Variants in XIST observed in about 807,000 individuals in gnomAD.
XIST encodes X inactive specific transcript.
At chrX:73,821,018 T>G in exon 6 of XIST, 1 of 559,354 alleles carries the variant, frequency 1.8e-6, no homozygotes, top group Non-Finnish European at 3.2e-6. Flanking sequence ...GTAGTGGTAG[T>G]GATGCCAGAA....
chrX:73,845,508 T>C lies in XIST; in HGVS notation n.7216A>G, dbSNP rs562067445. ...CTCCCTGGTGGAAGGGAAAGGAAGA[T>C]TGGAGGTGGGGTGTGGCAGGGGAGG... is the stretch of plus-strand genomic sequence containing the variant. On this transcript the variant is annotated non_coding_transcript_exon_variant, in exon 1 of 6. Transcript: ENST00000429829. The C allele has an allele frequency of 3.0e-4, 166 of 550,469 alleles. No individual in the cohort carries two copies. The South Asian group carries it at 3.5e-3, about 12-fold the overall frequency. 45.4% of individuals were successfully genotyped at this position (550,469 alleles called of 1,213,427 possible).
At chrX:73,837,758 A>G (rs957853002) in intron 1 of XIST, among the ~76,000 whole-genome samples, 8 of 111,599 alleles carry the variant, frequency 7.2e-5, no homozygotes, top group African/African-American at 9.7e-5. Flanking sequence ...CTGAAGACTT[A>G]TAAGACACAG....
chrX:73,845,546 T>C (rs372174583), exon 1 of XIST: 20 of 552,111 alleles, frequency 3.6e-5, no homozygotes, highest in Non-Finnish European at 4.9e-5. Context: ...TTCATGTCTA[T>C]TACACAGAAA....
At chrX:73,852,566 TA>T (rs1170081229) in exon 1 of XIST, 5 of 497,906 alleles carry the variant, frequency 1.0e-5, no homozygotes, top group African/African-American at 9.6e-5. Context: ...GTATAGAATT[TA>T]AAAAAATATT....
exon 6 of XIST, chrX:73,821,487 AAAT>A: frequency 1.8e-6 from 1 of 557,022 alleles, no homozygotes; most frequent in Non-Finnish European, 3.2e-6. Flanking sequence ...ACTTGGACAA[AAAT>A]AATACTTTTC....
exon 6 of XIST, chrX:73,823,858 G>C (rs1182695410): frequency 3.6e-6 from 2 of 558,053 alleles, no homozygotes; most frequent in Admixed American, 4.4e-5. Flanking sequence ...ATTTCCTTCT[G>C]TGAGCACTCT....
rs764238581 is a variant in XIST, at chrX:73,821,285, T to C, written n.18616A>G. On this transcript the variant is annotated non_coding_transcript_exon_variant, in exon 6 of 6. Transcript: ENST00000429829. The stretch of plus-strand genomic sequence containing the variant: ...ATTTATCTATTTCCTTCTCCACTTA[T>C]GGATGTAATTGGCTTGCTATAGAAA... 2.2e-5 allele frequency: 12 copies of C among 553,965 alleles called. No individual in the cohort carries two copies. In the African/African-American group the frequency reaches 2.2e-4, roughly 10 times the overall value. 45.7% of individuals were successfully genotyped at this position (553,965 alleles called of 1,213,427 possible). A position where few individuals can be genotyped will look rare whatever the true frequency, so the allele number is the denominator to read the frequency against.
At chrX:73,833,253 G>C (rs1222580191) in exon 3 of XIST, 1 of 557,515 alleles carries the variant, frequency 1.8e-6, no homozygotes, top group Admixed American at 2.2e-5. Context: ...TCTCCAGATA[G>C]CTGGCAACCC....
intron 4 of XIST, among the ~76,000 whole-genome samples, chrX:73,830,521 C>T (rs1350424990): frequency 8.9e-6 from 1 of 112,022 alleles, no homozygotes; most frequent in Non-Finnish European, 1.9e-5. Flanking sequence ...GGTTCTTTAG[C>T]TCCTGCCTGA....
chrX:73,822,185 G>A (rs1459150205), exon 6 of XIST: 1 of 558,674 alleles, frequency 1.8e-6, no homozygotes, highest in South Asian at 2.2e-5. Flanking sequence ...CTGCTGCCCA[G>A]CAGTGGTCAG....
exon 1 of XIST, chrX:73,841,649 T>C (rs764854812): frequency 1.4e-5 from 8 of 553,082 alleles, no homozygotes; most frequent in Non-Finnish European, 2.3e-5. Flanking sequence ...TTGAAATTTA[T>C]ATCCAAAAGA....
exon 1 of XIST, chrX:73,843,096 G>A (rs1444341607): frequency 1.3e-5 from 7 of 556,045 alleles, no homozygotes; most frequent in African/African-American, 6.7e-5. Context: ...GGGGTGGGGC[G>A]CTTGCTTAAC....
rs747106216 is a variant in XIST at position 73,852,282 on chromosome X, C to T, written n.442G>A. ...AAAAAAAATAAAAAGCAGGTATCCG[C>T]GGCCCCGATGGGCGAATAAAAAAGA... On this transcript the variant is annotated non_coding_transcript_exon_variant, in exon 1 of 6. Transcript: ENST00000429829. The T allele has an allele frequency of 4.6e-5, 25 of 540,680 alleles. No homozygotes were observed. In the South Asian group the frequency reaches 5.6e-4, roughly 12 times the overall value. The allele number at this position is 540,680 out of a possible 1,213,427, so 44.6% of individuals were successfully genotyped here.
At chrX:73,845,951 G>A in exon 1 of XIST, 2 of 556,907 alleles carry the variant, frequency 3.6e-6, no homozygotes, top group Non-Finnish European at 3.2e-6. Context: ...GGGTCTGAGA[G>A]TAGGACCTTA....
chrX:73,826,620 T>C (rs748633915), exon 6 of XIST: 5 of 559,052 alleles, frequency 8.9e-6, no homozygotes, highest in Non-Finnish European at 1.3e-5. Context: ...GTGTAAACAA[T>C]AGAAAAGAGG....
At chrX:73,825,989 AAATT>A (rs1347877723) in exon 6 of XIST, 1 of 559,075 alleles carries the variant, frequency 1.8e-6, no homozygotes. Flanking sequence ...ACAGTCCACC[AAATT>A]ATTTGGCCAC....
exon 6 of XIST, chrX:73,826,587 C>T (rs1922258801): frequency 1.8e-6 from 1 of 557,706 alleles, no homozygotes; most frequent in African/African-American, 2.2e-5. Context: ...AACAGGAGAA[C>T]TGGAAATATC....
chrX:73,825,894 G>C, exon 6 of XIST: 2 of 559,007 alleles, frequency 3.6e-6, no homozygotes, highest in East Asian at 6.5e-5. Flanking sequence ...AAAAAATCAA[G>C]GAAAGTATTA....
At chrX:73,832,128 A>G (rs745785585) in intron 3 of XIST, among the ~76,000 whole-genome samples, 26 of 111,824 alleles carry the variant, frequency 2.3e-4, no homozygotes, top group African/African-American at 8.4e-4. Context: ...TGAGGTCAGG[A>G]GTTTGAGACC....
Sources: gnomAD v4.1 joint callset for allele counts (sites outside exome capture counted in the v4.1 genomes callset) on GRCh38, gnomAD v4.1.1 for gene constraint, MANE v1.5 for transcripts, NCBI Gene and HGNC (gene_info 2026-07-23, HGNC 2026-07-21) for gene names.